Variants in LUZP2 observed in about 807,000 individuals in gnomAD.
LUZP2 encodes leucine zipper protein 2.
A neutral mutation model predicts 51.6 loss-of-function variants in LUZP2; 52 were observed. That is an observed-to-expected ratio of 1.01 (90% CI 0.81 to 1.27). The LOEUF is 1.27. LUZP2 is among the 50% of genes most tolerant of loss of function. The pLI, the probability that LUZP2 is intolerant of heterozygous loss-of-function variation, is 0.00. For missense variants in LUZP2, 436 were observed against 395.4 expected, an observed-to-expected ratio of 1.10 and a Z score of -0.87; for synonymous variants, 154 against 137.3, an observed-to-expected ratio of 1.12 and a Z score of -0.85.
intron 1 of LUZP2, among the ~76,000 whole-genome samples, chr11:24,560,107 A>G (rs1330527955): frequency 6.6e-6 from 1 of 152,170 alleles, no homozygotes; most frequent in Non-Finnish European, 1.5e-5. Flanking sequence ...CATGCACCCC[A>G]GTGTGATGAG....
chr11:24,564,207 T>C (rs2133779717), intron 1 of LUZP2, among the ~76,000 whole-genome samples: 1 of 152,282 alleles, frequency 6.6e-6, no homozygotes, highest in African/African-American at 2.4e-5. Context: ...AGCTGTGAAC[T>C]CCTTGCATGC....
intron 5 of LUZP2, among the ~76,000 whole-genome samples, chr11:24,844,238 G>A (rs555260156): frequency 6.6e-6 from 1 of 152,320 alleles, no homozygotes; most frequent in East Asian, 1.9e-4. Context: ...CTCAGATGCA[G>A]AAGAGGAACT....
At chr11:24,570,495 G>T (rs995946562) in intron 1 of LUZP2, among the ~76,000 whole-genome samples, 13 of 151,942 alleles carry the variant, frequency 8.6e-5, no homozygotes, top group Admixed American at 2.6e-4. Flanking sequence ...TGTACATCTT[G>T]ATTTCAATTT....
chr11:25,023,475 G>T (rs1310668795), intron 9 of LUZP2, among the ~76,000 whole-genome samples: 1 of 152,060 alleles, frequency 6.6e-6, no homozygotes, highest in Non-Finnish European at 1.5e-5. Context: ...ATTTCTGTGG[G>T]ATCAGTGTTG....
intron 9 of LUZP2, among the ~76,000 whole-genome samples, chr11:25,017,158 A>G (rs1472287314): frequency 6.6e-6 from 1 of 152,134 alleles, no homozygotes; most frequent in Non-Finnish European, 1.5e-5. Context: ...AGTTCCTTGT[A>G]GATTCTGGAT....
rs183176361 is a variant in LUZP2 at position 24,991,077 on chromosome 11, G to A, written c.765+7784G>A. On this transcript the variant is annotated intron_variant, in intron 9 of 11. Coordinates refer to ENST00000336930, the MANE Select transcript of LUZP2 (RefSeq NM_001009909.4). ...TTTTGGTGCACCCATCAACAGAGCA[G>A]TATACACTGCACCCTATTTGTAGTC... 7.6e-4 allele frequency among the ~76,000 whole-genome samples: 115 copies of A among 152,050 alleles called. 1 individual carries two copies. Among genetic ancestry groups the A allele is most frequent in the Non-Finnish European group, 7.4e-5 (5 of 67,948 alleles).
chr11:25,030,891 TTA>T (rs1291205939), intron 9 of LUZP2, among the ~76,000 whole-genome samples: 30 of 38,446 alleles, frequency 7.8e-4, no homozygotes, highest in African/African-American at 4.3e-3. Context: ...ACTATATATA[TTA>T]TATATATATA....
At chr11:24,863,946 T>C (rs1851812664) in intron 5 of LUZP2, among the ~76,000 whole-genome samples, 1 of 152,144 alleles carries the variant, frequency 6.6e-6, no homozygotes, top group African/African-American at 2.4e-5. Context: ...ATTGTAATTA[T>C]AACAGGATTA....
At chr11:24,786,538 T>C (rs1849250090) in intron 5 of LUZP2, 3 of 634,420 alleles carry the variant, frequency 4.7e-6, no homozygotes, top group Non-Finnish European at 3.9e-6. Context: ...TACACAAATA[T>C]ATAATATATA....
intron 7 of LUZP2, among the ~76,000 whole-genome samples, chr11:24,946,868 A>C (rs1590760817): frequency 6.6e-6 from 1 of 152,112 alleles, no homozygotes; most frequent in East Asian, 1.9e-4. Flanking sequence ...TGTCAAATAC[A>C]TTAGATTTCT....
intron 5 of LUZP2, among the ~76,000 whole-genome samples, chr11:24,784,758 G>A (rs372460929): frequency 6.6e-6 from 1 of 151,984 alleles, no homozygotes; most frequent in African/African-American, 2.4e-5. Flanking sequence ...TAGCAAGGTA[G>A]AATCTGCATG....
chr11:24,586,634 C>A (rs1014363863), intron 1 of LUZP2, among the ~76,000 whole-genome samples: 3 of 151,830 alleles, frequency 2.0e-5, no homozygotes, highest in Non-Finnish European at 4.4e-5. Flanking sequence ...ATACAAGTGA[C>A]CTTGTTTTGG....
chr11:25,000,367 GGCAAAGAAGGGTCCCT>G (rs1439551253), intron 9 of LUZP2, among the ~76,000 whole-genome samples: 1 of 152,108 alleles, frequency 6.6e-6, no homozygotes, highest in Non-Finnish European at 1.5e-5. Context: ...GCTGGATAGG[GGCAAAGAAGGGTCCCT>G]GCAGTTGTAG....
At chr11:24,979,969 C>G (rs1201655026) in intron 8 of LUZP2, among the ~76,000 whole-genome samples, 2 of 151,686 alleles carry the variant, frequency 1.3e-5, no homozygotes, top group African/African-American at 4.8e-5. Flanking sequence ...AAGACCTGAC[C>G]TAAATGAATA....
intron 5 of LUZP2, among the ~76,000 whole-genome samples, chr11:24,783,776 G>A (rs930639152): frequency 6.6e-6 from 1 of 151,900 alleles, no homozygotes; most frequent in African/African-American, 2.4e-5. Flanking sequence ...CTGTTGAGGA[G>A]GGGAAGGAGT....
At chr11:25,008,771 G>T (rs1056341412) in intron 9 of LUZP2, among the ~76,000 whole-genome samples, 4 of 152,156 alleles carry the variant, frequency 2.6e-5, no homozygotes, top group Admixed American at 6.5e-5. Context: ...TCTTATGAGA[G>T]GGGTCCCAGA....
At chr11:24,517,368 C>T (rs2133791155) in intron 1 of LUZP2, among the ~76,000 whole-genome samples, 1 of 151,112 alleles carries the variant, frequency 6.6e-6, no homozygotes, top group South Asian at 2.1e-4. Context: ...TTCCTGTAGT[C>T]CCAGCTACTC....
At chr11:24,550,826 C>A (rs1472548532) in intron 1 of LUZP2, among the ~76,000 whole-genome samples, 3 of 152,006 alleles carry the variant, frequency 2.0e-5, no homozygotes, top group Non-Finnish European at 4.4e-5. Flanking sequence ...GTAATCCCAG[C>A]ATTTTGGGAG....
intron 9 of LUZP2, among the ~76,000 whole-genome samples, chr11:24,992,702 C>T (rs963956855): frequency 1.6e-4 from 25 of 152,048 alleles, no homozygotes; most frequent in Non-Finnish European, 3.2e-4. Flanking sequence ...TATTTATTTT[C>T]CCTGACATCT....
Sources: allele counts gnomAD v4.1 joint callset (sites outside exome capture counted in the v4.1 genomes callset), GRCh38; gene constraint gnomAD v4.1.1; transcripts MANE v1.5; gene names NCBI Gene and HGNC (gene_info 2026-07-23, HGNC 2026-07-21).